CMIP: variants seen among roughly 807,000 people sequenced by gnomAD.
The protein encoded by CMIP is C-Maf-inducing protein.
CMIP carries 13 observed loss-of-function variants against 97.3 expected under a neutral mutation model. That is an observed-to-expected ratio of 0.13 (90% CI 0.09 to 0.21). The LOEUF (loss-of-function observed/expected upper bound fraction) is 0.21, where lower values mean the gene tolerates loss of function less well. CMIP is among the 10% of genes least tolerant of loss of function. The pLI is 1.00. For missense variants in CMIP, 847 were observed against 1,024.9 expected (o/e 0.83, Z 2.37); for synonymous variants, 538 against 436.3 (o/e 1.23, Z -2.91).
intron 1 of CMIP, among the ~76,000 whole-genome samples, chr16:81,553,902 G>A (rs1311451798): frequency 6.6e-6 from 1 of 152,220 alleles, no homozygotes; most frequent in Non-Finnish European, 1.5e-5. Context: ...TATATTACGT[G>A]TCCACATTCT....
At chr16:81,505,609 T>A (rs949252400) in intron 1 of CMIP, among the ~76,000 whole-genome samples, 1 of 152,190 alleles carries the variant, frequency 6.6e-6, no homozygotes, top group Non-Finnish European at 1.5e-5. Flanking sequence ...GTCAGGGAGC[T>A]CTGCACAGAA....
intron 18 of CMIP, among the ~76,000 whole-genome samples, chr16:81,704,955 G>T (rs899257508): frequency 2.0e-5 from 3 of 151,890 alleles, no homozygotes; most frequent in African/African-American, 7.3e-5. Flanking sequence ...GGGGGGCTGC[G>T]CAGGAGGCTT....
intron 1 of CMIP, among the ~76,000 whole-genome samples, chr16:81,494,427 G>A (rs993166770): frequency 6.6e-6 from 1 of 152,194 alleles, no homozygotes; most frequent in African/African-American, 2.4e-5. Flanking sequence ...CTGGGAGAGG[G>A]TGGGTCTCCC....
At chr16:81,517,937 T>TA in intron 1 of CMIP, 1 of 984,266 alleles carries the variant, frequency 1.0e-6, no homozygotes, top group South Asian at 4.7e-5. Flanking sequence ...GATTCAAGGA[T>TA]TTTCTAGGAA....
intron 1 of CMIP, among the ~76,000 whole-genome samples, chr16:81,577,676 A>G (rs948061310): frequency 2.0e-5 from 3 of 150,564 alleles, no homozygotes; most frequent in Non-Finnish European, 2.9e-5. Context: ...CATCCCCATT[A>G]CCACTACATT....
intron 1 of CMIP, among the ~76,000 whole-genome samples, chr16:81,591,010 A>G (rs901981641): frequency 6.6e-6 from 1 of 152,248 alleles, no homozygotes; most frequent in Admixed American, 6.5e-5. Flanking sequence ...AGCACTGCTG[A>G]CAGTTGTGAG....
chr16:81,497,802 C>T (rs1011937846), intron 1 of CMIP, among the ~76,000 whole-genome samples: 7 of 152,250 alleles, frequency 4.6e-5, no homozygotes, highest in Admixed American at 2.0e-4. Context: ...GGTGCCCCGC[C>T]GCCTCCTCTG....
intron 3 of CMIP, among the ~76,000 whole-genome samples, chr16:81,638,529 A>G (rs2092264787): frequency 6.6e-6 from 1 of 152,092 alleles, no homozygotes; most frequent in Non-Finnish European, 1.5e-5. Context: ...AGGCCAGAGC[A>G]TAACACGCCC....
intron 1 of CMIP, among the ~76,000 whole-genome samples, chr16:81,448,305 C>G (rs1033024249): frequency 6.6e-6 from 1 of 152,250 alleles, no homozygotes; most frequent in Non-Finnish European, 1.5e-5. Flanking sequence ...AACCAATAAA[C>G]AAGCCAAATA....
intron 1 of CMIP, among the ~76,000 whole-genome samples, chr16:81,561,287 C>T (rs1228363939): frequency 6.6e-6 from 1 of 152,148 alleles, no homozygotes; most frequent in East Asian, 1.9e-4. Context: ...TTTAGGTGAT[C>T]ATAGATGCTT....
intron 1 of CMIP, among the ~76,000 whole-genome samples, chr16:81,594,512 T>C (rs1215556825): frequency 6.6e-6 from 1 of 152,132 alleles, no homozygotes; most frequent in Non-Finnish European, 1.5e-5. Flanking sequence ...ATGGGGGATA[T>C]GTTCCAAGGC....
At chr16:81,493,212 C>G (rs905570312) in intron 1 of CMIP, among the ~76,000 whole-genome samples, 2 of 152,122 alleles carry the variant, frequency 1.3e-5, no homozygotes, top group Non-Finnish European at 2.9e-5. Flanking sequence ...AGCCACCACA[C>G]CGAATTCTCC....
rs1018772316 is a variant in CMIP, at chr16:81,445,209, TCC to T, written c.-30_-29del. The stretch of plus-strand genomic sequence containing the variant: ...CCCAGCAGCCCAGGACAGCCCCCTC[TCC>T]CCGCCCCCAGCCCCCTCCCCCGGCG... On this transcript the variant is annotated 5_prime_UTR_variant, in exon 1 of 21. Coordinates refer to ENST00000537098, the MANE Select transcript of CMIP (RefSeq NM_198390.3). 13 of 1,356,708 alleles carry T rather than the reference TCC, an allele frequency of 9.6e-6. No homozygotes were observed. The highest frequency in any genetic ancestry group is 1.3e-5 in the Non-Finnish European group (13 of 1,025,064). The allele number at this position is 1,356,708 out of a possible 1,614,324, so 84.0% of individuals were successfully genotyped here. A position where few individuals can be genotyped will look rare whatever the true frequency, so the allele number is the denominator to read the frequency against.
chr16:81,671,453 A>T (rs558336116), intron 8 of CMIP, among the ~76,000 whole-genome samples: 1 of 152,362 alleles, frequency 6.6e-6, no homozygotes, highest in Admixed American at 6.5e-5. Context: ...CTCTATGCTA[A>T]GCCAAAATGA....
At chr16:81,484,156 T>A (rs749735036) in intron 1 of CMIP, among the ~76,000 whole-genome samples, 1 of 152,004 alleles carries the variant, frequency 6.6e-6, no homozygotes, top group Non-Finnish European at 1.5e-5. Context: ...TTCCACCAAC[T>A]CCAGGTCAGC....
rs576034594 is a variant in CMIP at position 81,701,936 on chromosome 16, G to T, written c.1896+136G>T. 4 of 1,048,228 alleles carry T rather than the reference G, an allele frequency of 3.8e-6. No individual in the cohort carries two copies. In the South Asian group the frequency reaches 5.8e-5, roughly 15 times the overall value. The allele number at this position is 1,048,228 out of a possible 1,614,324, so 64.9% of individuals were successfully genotyped here. ...ATTCTCCTCCAAACCCCAGAAATTGGTATTACCACCTGCCACTTTTCAGGT... is the reference window on the plus strand; with the variant it reads ...ATTCTCCTCCAAACCCCAGAAATTGTTATTACCACCTGCCACTTTTCAGGT... On this transcript the variant is annotated intron_variant, in intron 16 of 20. Transcript: ENST00000537098.
At chr16:81,583,290 C>T (rs998018775) in intron 1 of CMIP, among the ~76,000 whole-genome samples, 5 of 152,256 alleles carry the variant, frequency 3.3e-5, no homozygotes, top group Non-Finnish European at 7.3e-5. Context: ...ACCCTGTCAC[C>T]GGCACTTCCC....
chr16:81,632,407 C>G (rs1051866214), intron 3 of CMIP, among the ~76,000 whole-genome samples: 1 of 152,218 alleles, frequency 6.6e-6, no homozygotes, highest in Non-Finnish European at 1.5e-5. Flanking sequence ...ACTTTATCAT[C>G]CACGCGGTTC....
At chr16:81,467,339 G>A (rs191594293) in intron 1 of CMIP, among the ~76,000 whole-genome samples, 180 of 152,270 alleles carry the variant, frequency 1.2e-3, no homozygotes, top group African/African-American at 3.9e-3. Context: ...TGAGGCAGGG[G>A]CTTAACATAG....
Sources: allele counts gnomAD v4.1 joint callset (sites outside exome capture counted in the v4.1 genomes callset), GRCh38; gene constraint gnomAD v4.1.1; transcripts MANE v1.5; gene names NCBI Gene and HGNC (gene_info 2026-07-23, HGNC 2026-07-21).